The following YIPF7 variants were observed in gnomAD, a reference collection of about 807,000 sequenced individuals.
YIPF7 encodes protein YIPF7.
Under a neutral mutation model 27.2 loss-of-function variants are expected in YIPF7, and 35 were observed. The observed-to-expected ratio is 1.29, with a 90% CI of 0.98 to 1.70. The LOEUF is 1.70. Ranked by LOEUF, YIPF7 falls within the 40% of genes most tolerant of loss-of-function variation. YIPF7 has a pLI of 0.00. For synonymous variants in YIPF7, 137 were observed against 110.4 expected (o/e 1.24, Z -1.51); for missense variants, 358 against 303.7 (o/e 1.18, Z -1.33).
upstream of YIPF7, among the ~76,000 whole-genome samples, chr4:44,656,289 C>T (rs1333770115): frequency 1.3e-5 from 2 of 152,098 alleles, no homozygotes; most frequent in East Asian, 1.9e-4. Context: ...CATAGGAAGT[C>T]TTTCCCAGGA....
chr4:44,638,778 C>T (rs1326874629), intron 2 of YIPF7, among the ~76,000 whole-genome samples: 3 of 152,022 alleles, frequency 2.0e-5, no homozygotes, highest in Non-Finnish European at 4.4e-5. Flanking sequence ...GACCAGTGTC[C>T]AAAAGTTTTC....
intron 3 of YIPF7, among the ~76,000 whole-genome samples, chr4:44,632,498 A>AT (rs1341942918): frequency 8.5e-5 from 13 of 152,328 alleles, no homozygotes; most frequent in African/African-American, 2.9e-4. Flanking sequence ...TAACATATTG[A>AT]TTTTACATTA....
intron 3 of YIPF7, among the ~76,000 whole-genome samples, chr4:44,632,071 C>G (rs1007217601): frequency 2.0e-5 from 3 of 151,958 alleles, no homozygotes; most frequent in African/African-American, 7.3e-5. Flanking sequence ...AACCATGAGG[C>G]AGTAAATGAA....
chr4:44,652,608 T>A (rs1014228699), upstream of YIPF7, among the ~76,000 whole-genome samples: 1 of 152,210 alleles, frequency 6.6e-6, no homozygotes, highest in African/African-American at 2.4e-5. Flanking sequence ...CCTTCTTACA[T>A]CACTAGTCAG....
chr4:44,644,953 C>T (rs778310817), intron 2 of YIPF7, among the ~76,000 whole-genome samples: 1 of 152,144 alleles, frequency 6.6e-6, no homozygotes. Flanking sequence ...CACCTCCCCA[C>T]TCTCTCTTGG....
chr4:44,629,238 G>A (rs1430850851), intron 4 of YIPF7, 165 bp downstream of exon 4: 6 of 772,820 alleles, frequency 7.8e-6, no homozygotes, highest in Admixed American at 4.2e-5. Context: ...CTGTTGCAAT[G>A]CATAATGGTA....
chr4:44,632,010 T>A (rs965339401), intron 3 of YIPF7, among the ~76,000 whole-genome samples: 1 of 152,120 alleles, frequency 6.6e-6, no homozygotes, highest in Non-Finnish European at 1.5e-5. Context: ...CACACTGATG[T>A]CAACCATGTA....
At chr4:44,627,169 C>A (rs1017993580) in intron 4 of YIPF7, among the ~76,000 whole-genome samples, 2 of 152,002 alleles carry the variant, frequency 1.3e-5, no homozygotes, top group African/African-American at 4.8e-5. Flanking sequence ...ACACTCTTGG[C>A]CCTACCAGAA....
chr4:44,642,378 T>C (rs1713353989), intron 2 of YIPF7, among the ~76,000 whole-genome samples: 2 of 152,238 alleles, frequency 1.3e-5, no homozygotes, highest in Non-Finnish European at 2.9e-5. Flanking sequence ...ATTCATAAAA[T>C]TACCATGCTC....
At chr4:44,657,476 A>T (rs1713930100) in intron 2 of YIPF7, among the ~76,000 whole-genome samples, 1 of 152,242 alleles carries the variant, frequency 6.6e-6, no homozygotes, top group South Asian at 2.1e-4. Context: ...ACTAGGCCAG[A>T]AAGTTGTCTC....
Position 44,622,449 on chromosome 4 carries a change from G to A in YIPF7, c.736C>T (p.Leu246Phe), listed in dbSNP as rs756775517. The A allele has an allele frequency of 1.3e-5, 21 of 1,613,646 alleles. No homozygotes were observed. Among genetic ancestry groups the A allele is most frequent in the Non-Finnish European group, 1.7e-5 (20 of 1,179,720 alleles). The change falls in exon 6 of 6, where the codon CTT becomes TTT. Residue 246 changes from leucine to phenylalanine, a missense_variant. Coordinates refer to ENST00000415895, the MANE Select transcript of YIPF7 (RefSeq NM_182592.3). ...QLLVAYPCAILYGLFALLTIF is the reference protein window; with the variant it reads ...QLLVAYPCAIFYGLFALLTIF The stretch of plus-strand genomic sequence containing the variant: ...GTTAGGAGGGCAAAAAGTCCATAAA[G>A]TATGGCACAAGGGTAGGCAACAAGA...
intron 4 of YIPF7, among the ~76,000 whole-genome samples, chr4:44,626,951 A>G (rs1418316169): frequency 7.0e-6 from 1 of 143,768 alleles, no homozygotes; most frequent in East Asian, 2.0e-4. Context: ...AATTTTCTGT[A>G]TTTTTTTTTT....
chr4:44,650,380 T>C (rs1713686933), intron 1 of YIPF7, among the ~76,000 whole-genome samples: 1 of 152,324 alleles, frequency 6.6e-6, no homozygotes, highest in Non-Finnish European at 1.5e-5. Flanking sequence ...AAAGAACTAA[T>C]CTTCTCCAAA....
intron 4 of YIPF7, among the ~76,000 whole-genome samples, chr4:44,625,212 T>C (rs1473289468): frequency 6.6e-6 from 1 of 152,204 alleles, no homozygotes; most frequent in African/African-American, 2.4e-5. Context: ...GGGTTTACCA[T>C]GTCAGATCCC....
At chr4:44,642,690 G>A (rs1216576643) in intron 2 of YIPF7, among the ~76,000 whole-genome samples, 1 of 152,110 alleles carries the variant, frequency 6.6e-6, no homozygotes, top group Non-Finnish European at 1.5e-5. Flanking sequence ...CCCTAGGGCT[G>A]TTCTCATGAT....
At chr4:44,637,175 C>A (rs1033992791) in intron 2 of YIPF7, among the ~76,000 whole-genome samples, 1 of 152,064 alleles carries the variant, frequency 6.6e-6, no homozygotes, top group Non-Finnish European at 1.5e-5. Context: ...AATTTCATAT[C>A]TTTGCTATTG....
chr4:44,631,902 A>G (rs1171702075), intron 3 of YIPF7, among the ~76,000 whole-genome samples: 2 of 152,160 alleles, frequency 1.3e-5, no homozygotes, highest in Non-Finnish European at 2.9e-5. Context: ...TGTTTTCAGT[A>G]TTTACCACAA....
At chr4:44,651,129 G>T (rs1005460138) in intron 1 of YIPF7, among the ~76,000 whole-genome samples, 2 of 152,018 alleles carry the variant, frequency 1.3e-5, no homozygotes, top group African/African-American at 4.8e-5. Flanking sequence ...AACTCTAAAG[G>T]CATCATTAAT....
At chr4:44,625,432 C>A (rs1712602003) in intron 4 of YIPF7, among the ~76,000 whole-genome samples, 1 of 152,166 alleles carries the variant, frequency 6.6e-6, no homozygotes, top group Admixed American at 6.5e-5. Flanking sequence ...AACGGGAACT[C>A]TTACAAGTCC....
Sources: allele counts gnomAD v4.1 joint callset (sites outside exome capture counted in the v4.1 genomes callset), GRCh38; gene constraint gnomAD v4.1.1; transcripts MANE v1.5; gene names NCBI Gene and HGNC (gene_info 2026-07-23, HGNC 2026-07-21).